The following AGBL4 variants were observed in gnomAD, a reference collection of about 807,000 sequenced individuals.
AGBL4 encodes the protein AGBL carboxypeptidase 4.
In AGBL4, 58 loss-of-function variants were observed where a neutral mutation model predicts 66.4. The observed-to-expected ratio is 0.87, with a 90% CI of 0.71 to 1.09. The LOEUF (loss-of-function observed/expected upper bound fraction) is 1.09, where lower values mean the gene tolerates loss of function less well. Ranked by LOEUF, AGBL4 falls within the 50% of genes least tolerant of loss-of-function variation. AGBL4 has a pLI of 0.00. For synonymous variants in AGBL4, 234 were observed against 222.9 expected (o/e 1.05, Z -0.44); for missense variants, 579 against 631.0 (o/e 0.92, Z 0.88).
chr1:48,940,078 G>T (rs921472744), intron 5 of AGBL4, among the ~76,000 whole-genome samples: 1 of 152,190 alleles, frequency 6.6e-6, no homozygotes, highest in Non-Finnish European at 1.5e-5. Flanking sequence ...AACCCTTGGT[G>T]ACTGCAATGT....
intron 6 of AGBL4, among the ~76,000 whole-genome samples, chr1:48,741,386 T>C (rs911581985): frequency 1.3e-5 from 2 of 152,196 alleles, no homozygotes; most frequent in Non-Finnish European, 2.9e-5. Context: ...TGTAGAGCTA[T>C]GCTAAGAACT....
In AGBL4 at chr1:49,559,085, A is replaced by G. The variant is rs373225754; in HGVS notation, c.282+138228T>C. 5.9e-5 allele frequency among the ~76,000 whole-genome samples: 9 copies of G among 152,108 alleles called. No homozygotes were observed. In the East Asian group the frequency reaches 7.7e-4, roughly 13 times the overall value. On this transcript the variant is annotated intron_variant, in intron 3 of 13. Transcript: ENST00000371839. The stretch of plus-strand genomic sequence containing the variant: ...CCACGTATAGAGCCCCAGAGCCTTT[A>G]TGAACATCGGAAGTACCTAAGGTCT...
chr1:49,786,956 T>G (rs2147918426), intron 2 of AGBL4, among the ~76,000 whole-genome samples: 1 of 152,204 alleles, frequency 6.6e-6, no homozygotes, highest in Middle Eastern at 3.4e-3. Context: ...TCCAACAAGG[T>G]TTTTCTCATT....
chr1:49,418,905 A>G (rs1645484531), intron 3 of AGBL4, among the ~76,000 whole-genome samples: 1 of 152,232 alleles, frequency 6.6e-6, no homozygotes, highest in African/African-American at 2.4e-5. Context: ...GATTTAAAAA[A>G]TGTTAAAATA....
At chr1:48,989,892 T>C (rs971592673) in intron 5 of AGBL4, among the ~76,000 whole-genome samples, 5 of 152,100 alleles carry the variant, frequency 3.3e-5, no homozygotes, top group Non-Finnish European at 7.4e-5. Context: ...TCTTTGGGTA[T>C]ATCCAATAGT....
At chr1:49,902,320 C>T (rs556327832) in intron 1 of AGBL4, among the ~76,000 whole-genome samples, 44 of 152,236 alleles carry the variant, frequency 2.9e-4, no homozygotes, top group African/African-American at 1.1e-3. Context: ...CTATAAGGAC[C>T]TTAAAGAAAT....
chr1:48,728,478 C>T (rs1171444929), intron 6 of AGBL4, among the ~76,000 whole-genome samples: 1 of 119,922 alleles, frequency 8.3e-6, no homozygotes, highest in East Asian at 2.7e-4. Context: ...ATCATTCTGA[C>T]TTGCTTTTTT....
intron 4 of AGBL4, among the ~76,000 whole-genome samples, chr1:49,150,684 T>A (rs1646310393): frequency 6.6e-6 from 1 of 152,224 alleles, no homozygotes; most frequent in South Asian, 2.1e-4. Context: ...CTTACTTTCA[T>A]TTGGCTAAAT....
At chr1:49,089,820 C>G (rs1408085811) in intron 4 of AGBL4, among the ~76,000 whole-genome samples, 1 of 152,076 alleles carries the variant, frequency 6.6e-6, no homozygotes, top group Admixed American at 6.6e-5. Context: ...GGCCAGTATC[C>G]TTGATGAACA....
rs146916054 is a variant in AGBL4, at chr1:49,692,103, A to T, written c.282+5210T>A. 6.6e-5 allele frequency among the ~76,000 whole-genome samples: 10 copies of T among 152,272 alleles called. No individual in the cohort carries two copies. In the East Asian group the frequency reaches 1.9e-3, roughly 29 times the overall value. On this transcript the variant is annotated intron_variant, in intron 3 of 13. Transcript: ENST00000371839. ...CCTCCCACAACACATGGGAATCAAG[A>T]TGAGCTTTGGGTGGGGACACAGCCA...
chr1:49,892,839 C>A (rs1372903017), intron 1 of AGBL4, among the ~76,000 whole-genome samples: 1 of 152,110 alleles, frequency 6.6e-6, no homozygotes, highest in Non-Finnish European at 1.5e-5. Context: ...TCAGTAAATT[C>A]TCCTTTCTTC....
chr1:49,541,298 G>C (rs1329424908), intron 3 of AGBL4, among the ~76,000 whole-genome samples: 1 of 152,194 alleles, frequency 6.6e-6, no homozygotes, highest in Non-Finnish European at 1.5e-5. Context: ...GCCGAGGTCA[G>C]AGCCGCCTCC....
chr1:49,305,535 A>G (rs1054583789), intron 3 of AGBL4, among the ~76,000 whole-genome samples: 4 of 152,216 alleles, frequency 2.6e-5, no homozygotes, highest in Non-Finnish European at 5.9e-5. Context: ...AAAAAAATCC[A>G]TATATAAGTG....
At chr1:48,621,642 A>G (rs1645415221) in intron 9 of AGBL4, among the ~76,000 whole-genome samples, 1 of 152,220 alleles carries the variant, frequency 6.6e-6, no homozygotes, top group Non-Finnish European at 1.5e-5. Flanking sequence ...ATAATACATA[A>G]GCAACTTTGT....
At chr1:48,637,011 TA>T (rs1329115660) in intron 8 of AGBL4, among the ~76,000 whole-genome samples, 1 of 152,222 alleles carries the variant, frequency 6.6e-6, no homozygotes, top group Non-Finnish European at 1.5e-5. Flanking sequence ...GAGTGATTGA[TA>T]AGAGATATTC....
intron 3 of AGBL4, among the ~76,000 whole-genome samples, chr1:49,342,343 G>T (rs1489039905): frequency 6.6e-6 from 1 of 152,100 alleles, no homozygotes; most frequent in East Asian, 1.9e-4. Context: ...CACCACAGGA[G>T]AAAATGCAGG....
intron 2 of AGBL4, among the ~76,000 whole-genome samples, chr1:49,714,593 T>TACACAC (rs1169805560): frequency 8.8e-6 from 1 of 113,984 alleles, no homozygotes; most frequent in African/African-American, 3.2e-5. Context: ...TATATATATA[T>TACACAC]ACACACACAC....
chr1:48,998,501 G>C (rs919304530), intron 5 of AGBL4, among the ~76,000 whole-genome samples: 1 of 152,132 alleles, frequency 6.6e-6, no homozygotes, highest in East Asian at 1.9e-4. Context: ...TAAATACCAG[G>C]CATGTCACCA....
At chr1:49,667,795 T>G (rs1441816063) in intron 3 of AGBL4, among the ~76,000 whole-genome samples, 1 of 152,106 alleles carries the variant, frequency 6.6e-6, no homozygotes, top group Non-Finnish European at 1.5e-5. Flanking sequence ...CAAGATGGAG[T>G]TTTAATATCA....
Sources: allele counts gnomAD v4.1 joint callset (sites outside exome capture counted in the v4.1 genomes callset), GRCh38; gene constraint gnomAD v4.1.1; transcripts MANE v1.5; gene names NCBI Gene and HGNC (gene_info 2026-07-23, HGNC 2026-07-21).